The following KDM2A variants were observed in gnomAD, a reference collection of about 807,000 sequenced individuals.
KDM2A encodes lysine-specific demethylase 2A.
In KDM2A, 3 loss-of-function variants were observed where a neutral mutation model predicts 137.3. That is an observed-to-expected ratio of 0.02 (90% CI 0.01 to 0.06). The LOEUF (loss-of-function observed/expected upper bound fraction) is 0.06. Among genes scored for constraint, KDM2A ranks in the 10% least tolerant of loss-of-function variants. The pLI is 1.00. For missense variants in KDM2A, 738 were observed against 1,510.6 expected (o/e 0.49, Z 8.48); for synonymous variants, 512 against 541.5 (o/e 0.95, Z 0.76).
At chr11:67,196,377 C>CTT (rs1857482538) in intron 5 of KDM2A, 3 of 455,952 alleles carry the variant, frequency 6.6e-6, no homozygotes. Context: ...TGGACTCAAG[C>CTT]GATCTTCCTG....
At chr11:67,127,069 T>G (rs1482014312) in intron 2 of KDM2A, among the ~76,000 whole-genome samples, 1 of 152,186 alleles carries the variant, frequency 6.6e-6, no homozygotes, top group African/African-American at 2.4e-5. Context: ...TGGGGTGGGT[T>G]GTTCTGAGGT....
At position 67,250,142 on chromosome 11, in the gene KDM2A, C is replaced by T. The variant is rs1439322998; in HGVS notation, c.2112C>T (p.Pro704=). Residue 704 remains proline (P), a synonymous_variant, in exon 17 of 21, where the codon CCC becomes CCT. Transcript: ENST00000529006. The surrounding 1 kb of genome is among the most constrained non-coding windows in gnomAD (Gnocchi z 7.1). ...CTGTGCAAGCCAAAGTCCTGCGGCC[C>T]CTGCGGAGCTGCGATGAGCCTCTCA... is the stretch of plus-strand genomic sequence containing the variant. ...EEAVQAKVLR[P]LRSCDEPLTP... is the part of the protein sequence containing the mutation. The T allele has an allele frequency of 6.2e-7, 1 of 1,612,676 alleles. No individual in the cohort carries two copies. Among genetic ancestry groups the T allele is most frequent in the Non-Finnish European group, 8.5e-7 (1 of 1,179,316 alleles).
At chr11:67,131,522 C>T (rs1338053250) in intron 2 of KDM2A, among the ~76,000 whole-genome samples, 1 of 151,108 alleles carries the variant, frequency 6.6e-6, no homozygotes, top group Non-Finnish European at 1.5e-5. Flanking sequence ...GGCAATTCTC[C>T]TGCCTCAGCC....
chr11:67,211,568 C>T (rs1013085136), intron 6 of KDM2A, among the ~76,000 whole-genome samples: 1 of 115,696 alleles, frequency 8.6e-6, no homozygotes, highest in African/African-American at 3.3e-5. Context: ...GAGCCATGAT[C>T]ACACCACTGC....
At chr11:67,209,290 A>G (rs1857906104) in intron 6 of KDM2A, among the ~76,000 whole-genome samples, 1 of 152,012 alleles carries the variant, frequency 6.6e-6, no homozygotes. Context: ...GAAGTATAGG[A>G]AGACAGGTGG....
intron 6 of KDM2A, among the ~76,000 whole-genome samples, chr11:67,211,491 G>A (rs911281706): frequency 2.0e-5 from 3 of 151,452 alleles, no homozygotes; most frequent in African/African-American, 2.4e-5. Context: ...GTGCACACCC[G>A]TGATCCCAGC....
At chr11:67,240,316 C>G (rs910552137) in intron 12 of KDM2A, 9 of 1,535,504 alleles carry the variant, frequency 5.9e-6, no homozygotes, top group Middle Eastern at 3.4e-4. Flanking sequence ...AACAAAGACG[C>G]TGGGGAAACT....
Position 67,254,103 on chromosome 11 carries a change from C to A in KDM2A, c.3092-100C>A. ...TGTGGGCAGTTCTACTTAACCCCTT[C>A]AAGGGGGCCTGGCCAGCAAGTAGCT... On this transcript the variant is annotated intron_variant, in intron 19 of 20. Transcript: ENST00000529006. The surrounding 1 kb of genome is among the most constrained non-coding windows in gnomAD (Gnocchi z 4.7). 9.2e-7 allele frequency: 1 copy of A among 1,090,004 alleles called. No homozygotes were observed. Among genetic ancestry groups the A allele is most frequent in the Non-Finnish European group, 1.3e-6 (1 of 758,622 alleles). The allele number at this position is 1,090,004 out of a possible 1,614,324, so 67.5% of individuals were successfully genotyped here.
intron 5 of KDM2A, among the ~76,000 whole-genome samples, chr11:67,206,517 G>T (rs893532609): frequency 8.5e-5 from 13 of 152,202 alleles, no homozygotes; most frequent in African/African-American, 3.1e-4. Context: ...CAGGCGGATT[G>T]CCTGAGCTCA....
intron 10 of KDM2A, among the ~76,000 whole-genome samples, chr11:67,220,360 G>A (rs1436615176): frequency 6.6e-6 from 1 of 152,114 alleles, no homozygotes; most frequent in Non-Finnish European, 1.5e-5. Context: ...GTAATCTCTT[G>A]AGCCATGTGT....
Position 67,245,611 on chromosome 11 carries a change from T to A in KDM2A, c.1833+153T>A. 1.2e-6 allele frequency: 1 copy of A among 822,348 alleles called. No homozygotes were observed. Among genetic ancestry groups the A allele is most frequent in the Non-Finnish European group, 1.9e-6 (1 of 535,008 alleles). The allele number at this position is 822,348 out of a possible 1,614,324, so 50.9% of individuals were successfully genotyped here. On this transcript the variant is annotated intron_variant, in intron 14 of 20. Coordinates refer to ENST00000529006, the MANE Select transcript of KDM2A (RefSeq NM_012308.3). This position sits in a 1 kb window ranked among gnomAD's most constrained non-coding sequence, Gnocchi z 4.1. ...TTATTTTGTACCTTTTTTCCCCAGGTTTAGATAGAAGGTATCTAGTACTAA... is the reference window on the plus strand; with the variant it reads ...TTATTTTGTACCTTTTTTCCCCAGGATTAGATAGAAGGTATCTAGTACTAA...
Position 67,257,523 on chromosome 11 carries a change from A to T in KDM2A, c.*2468A>T, listed in dbSNP as rs951744152. On this transcript the variant is annotated 3_prime_UTR_variant, in exon 21 of 21. Coordinates refer to ENST00000529006, the MANE Select transcript of KDM2A (RefSeq NM_012308.3). ...GGAGAGCCTGCCCTCAGACTGCAGG[A>T]CCAGAACCCCTGCCTCCATCTTTCC... 6.5e-6 allele frequency: 1 copy of T among 152,688 alleles called. No homozygotes were observed. The highest frequency in any genetic ancestry group is 6.5e-5 in the Admixed American group (1 of 15,280). The allele number at this position is 152,688 out of a possible 1,614,324, so 9.5% of individuals were successfully genotyped here.
Position 67,179,999 on chromosome 11 carries a change from C to T in KDM2A, c.43-80C>T, listed in dbSNP as rs181968253. 5.6e-6 allele frequency: 8 copies of T among 1,422,014 alleles called. No individual in the cohort carries two copies. In the Admixed American group the frequency reaches 1.1e-4, roughly 19 times the overall value. The allele number at this position is 1,422,014 out of a possible 1,614,324, so 88.1% of individuals were successfully genotyped here. On this transcript the variant is annotated intron_variant, in intron 2 of 20. Transcript: ENST00000529006. The stretch of plus-strand genomic sequence containing the variant: ...CTGAGTTTGAAAGTAGCACTTTGCA[C>T]ATGTAGGGAAATCTATGACCACTTG...
rs1219147992 is a variant in KDM2A, at chr11:67,228,173, C to T, written c.1084+10C>T. On this transcript the variant is annotated intron_variant, in intron 11 of 20. Coordinates refer to ENST00000529006, the MANE Select transcript of KDM2A (RefSeq NM_012308.3). ...GAGTCCCTCAGCATGGGTAAGTATT[C>T]TGCCTATAGGAGCTTTGAAGACACC... 1 of 1,613,734 alleles carries T rather than the reference C, an allele frequency of 6.2e-7. No homozygotes were observed. The highest frequency in any genetic ancestry group is 1.7e-5 in the Admixed American group (1 of 60,002).
chr11:67,120,296 C>T, intron 1 of KDM2A, among the ~76,000 whole-genome samples: 1 of 152,204 alleles, frequency 6.6e-6, no homozygotes, highest in East Asian at 1.9e-4. Context: ...TCCGGGAGGG[C>T]TCTGCCTCTA....
At chr11:67,179,985 A>G (rs1279852662) in intron 2 of KDM2A, 94 bp from the exon 3 acceptor site, 9 of 1,262,268 alleles carry the variant, frequency 7.1e-6, no homozygotes, top group South Asian at 4.7e-5. Flanking sequence ...TGAGTTTGAA[A>G]GTAGCACTTT....
intron 2 of KDM2A, among the ~76,000 whole-genome samples, chr11:67,139,186 G>A (rs761769337): frequency 6.6e-6 from 1 of 150,486 alleles, no homozygotes; most frequent in Non-Finnish European, 1.5e-5. Flanking sequence ...CCAAGCCAGG[G>A]CAAGTAAGTG....
intron 5 of KDM2A, chr11:67,195,861 A>G (rs1440955029): frequency 3.8e-6 from 1 of 266,608 alleles, no homozygotes; most frequent in African/African-American, 2.2e-5. Context: ...CGTTGCCAGT[A>G]TTTTATTTTC....
chr11:67,173,384 AG>A (rs1226575202), intron 2 of KDM2A, among the ~76,000 whole-genome samples: 1 of 152,124 alleles, frequency 6.6e-6, no homozygotes, highest in Admixed American at 6.6e-5. Flanking sequence ...GGCCTCCCAA[AG>A]TGTGGGGATT....
Sources: gnomAD v4.1 joint callset for allele counts (sites outside exome capture counted in the v4.1 genomes callset) on GRCh38, gnomAD v4.1.1 for gene constraint, Gnocchi (gnomAD v3.1) non-coding constraint, MANE v1.5 for transcripts, NCBI Gene and HGNC (gene_info 2026-07-23, HGNC 2026-07-21) for gene names.